Variants in WDPCP observed in about 807,000 individuals in gnomAD.
WDPCP encodes WD repeat containing planar cell polarity effector.
A neutral mutation model predicts 93.1 loss-of-function variants in WDPCP; 71 were observed. That is an observed-to-expected ratio of 0.76 (90% CI 0.63 to 0.93). WDPCP has a LOEUF of 0.93. Among genes scored for constraint, WDPCP ranks in the 40% least tolerant of loss-of-function variants. The pLI is 0.00. For synonymous variants in WDPCP, 315 were observed against 315.0 expected, an observed-to-expected ratio of 1.00 and a Z score of 0.00; for missense variants, 844 against 887.4, an observed-to-expected ratio of 0.95 and a Z score of 0.62.
chr2:63,532,921 G>T (rs548727892), intron 1 of WDPCP, among the ~76,000 whole-genome samples: 41 of 152,280 alleles, frequency 2.7e-4, no homozygotes, highest in African/African-American at 9.9e-4. Context: ...TGGCAAATTG[G>T]ATAAAAAGTC....
chr2:63,620,011 T>C (rs1210920286), intron 3 of WDPCP, among the ~76,000 whole-genome samples: 2 of 152,204 alleles, frequency 1.3e-5, no homozygotes, highest in South Asian at 2.1e-4. Context: ...GCTTTTCCCA[T>C]AGGCTTTGCA....
chr2:63,657,366 G>T (rs924498076), intron 2 of WDPCP, among the ~76,000 whole-genome samples: 1 of 151,906 alleles, frequency 6.6e-6, no homozygotes, highest in South Asian at 2.1e-4. Flanking sequence ...CACCAAGCCC[G>T]GCTAATTTTT....
rs1321652373 is a variant in WDPCP, at chr2:63,238,694, C to T, written c.1915+20613G>A. Among the ~76,000 whole-genome samples the T allele has an allele frequency of 2.6e-5, 4 of 152,042 alleles. No individual in the cohort carries two copies. In the East Asian group the frequency reaches 7.7e-4, roughly 29 times the overall value. Reference sequence around the variant, plus strand: ...CATGGACCTTACTCCCTTTTTTAATCCTTCTAGTCCAAACCTAGGAAGTTG... The same window carrying T: ...CATGGACCTTACTCCCTTTTTTAATTCTTCTAGTCCAAACCTAGGAAGTTG... On this transcript the variant is annotated intron_variant, in intron 14 of 17. Coordinates refer to ENST00000272321, the MANE Select transcript of WDPCP (RefSeq NM_015910.7).
chr2:63,764,366 G>A (rs1183060005), intron 2 of WDPCP, among the ~76,000 whole-genome samples: 1 of 152,158 alleles, frequency 6.6e-6, no homozygotes, highest in Admixed American at 6.5e-5. Flanking sequence ...GAGTGATGCC[G>A]TGGTGACCTC....
intron 6 of WDPCP, among the ~76,000 whole-genome samples, chr2:63,450,001 G>T (rs1194936719): frequency 6.6e-6 from 1 of 152,176 alleles, no homozygotes; most frequent in Non-Finnish European, 1.5e-5. Flanking sequence ...AAAGAAGAGT[G>T]CAGTGCACCA....
intron 2 of WDPCP, among the ~76,000 whole-genome samples, chr2:63,721,330 TC>T (rs958468959): frequency 1.9e-4 from 29 of 152,282 alleles, no homozygotes; most frequent in Admixed American, 1.6e-3. Flanking sequence ...CTTGACAACT[TC>T]CCATAACCAA....
chr2:63,362,277 T>TTGGGGGGGTGTGTGTGTGTGTG (rs1553362983), intron 12 of WDPCP, among the ~76,000 whole-genome samples: 1 of 94,132 alleles, frequency 1.1e-5, no homozygotes, highest in African/African-American at 4.6e-5. Flanking sequence ...TTTTTTTTGG[T>TTGGGGGGGTGTGTGTGTGTGTG]TGTGTGTGTG....
chr2:63,433,666 A>ATTTTTT (rs1213214591), intron 9 of WDPCP, 79 bp downstream of exon 9: 3 of 1,344,366 alleles, frequency 2.2e-6, no homozygotes, highest in Non-Finnish European at 3.0e-6. Flanking sequence ...AAATATTCAC[A>ATTTTTT]TTTATTTCAG....
rs551543377 is a variant in WDPCP at position 63,399,891 on chromosome 2, T to C, written c.1435+4157A>G. Among the ~76,000 whole-genome samples the C allele has an allele frequency of 2.2e-4, 34 of 152,300 alleles. No individual in the cohort carries two copies. In the South Asian group the frequency reaches 7.1e-3, roughly 32 times the overall value. ...AACATAGGTCTCACATTGTATGTAT[T>C]ATATCTTTCAGGTAAATCAAATCAT... On this transcript the variant is annotated intron_variant, in intron 10 of 17. Transcript: ENST00000272321.
At chr2:63,727,387 G>GA (rs148338147) in intron 2 of WDPCP, among the ~76,000 whole-genome samples, 4,040 of 152,234 alleles carry the variant, frequency 0.027, 54 homozygotes, top group East Asian at 0.035. Flanking sequence ...TGCATCCCAG[G>GA]AATAAAGCCT....
chr2:63,299,843 C>G (rs1685189806), intron 13 of WDPCP, among the ~76,000 whole-genome samples: 1 of 152,088 alleles, frequency 6.6e-6, no homozygotes, highest in African/African-American at 2.4e-5. Flanking sequence ...TAAAAAGCAG[C>G]CCCGATCATT....
At chr2:63,357,294 C>G (rs762635187) in intron 12 of WDPCP, among the ~76,000 whole-genome samples, 5 of 152,092 alleles carry the variant, frequency 3.3e-5, no homozygotes, top group Admixed American at 6.6e-5. Flanking sequence ...AACTTAAGAG[C>G]CTCTGTACAG....
chr2:63,541,893 T>A (rs1448339801), intron 1 of WDPCP, among the ~76,000 whole-genome samples: 1 of 152,188 alleles, frequency 6.6e-6, no homozygotes, highest in African/African-American at 2.4e-5. Context: ...CTTCACAGTT[T>A]ATACATAGTT....
chr2:63,671,199 T>C (rs1052620916), intron 2 of WDPCP, among the ~76,000 whole-genome samples: 1 of 152,022 alleles, frequency 6.6e-6, no homozygotes, highest in Non-Finnish European at 1.5e-5. Context: ...TCCAACTACA[T>C]AGAGTGTAAT....
intron 6 of WDPCP, among the ~76,000 whole-genome samples, chr2:63,446,383 G>C (rs1575435314): frequency 6.6e-6 from 1 of 152,168 alleles, no homozygotes; most frequent in Non-Finnish European, 1.5e-5. Context: ...TGGCCACCAG[G>C]AGACATGACA....
At chr2:63,467,723 C>T (rs1016181583) in intron 6 of WDPCP, among the ~76,000 whole-genome samples, 12 of 135,312 alleles carry the variant, frequency 8.9e-5, no homozygotes, top group African/African-American at 1.1e-4. Context: ...TTGCAGTGAG[C>T]GAAGATTGTG....
chr2:63,599,159 A>G (rs895465425), intron 3 of WDPCP: 3 of 1,612,412 alleles, frequency 1.9e-6, no homozygotes, highest in Non-Finnish European at 1.7e-6. Context: ...AGTGCCTTCC[A>G]TTCCTCCTAG....
intron 1 of WDPCP, among the ~76,000 whole-genome samples, chr2:63,497,330 T>C (rs1575529327): frequency 1.3e-5 from 2 of 151,896 alleles, no homozygotes; most frequent in African/African-American, 4.8e-5. Flanking sequence ...AAATGGCCAA[T>C]GTCCATTAGT....
intron 2 of WDPCP, among the ~76,000 whole-genome samples, chr2:63,691,498 G>A (rs1181378767): frequency 6.6e-6 from 1 of 152,232 alleles, no homozygotes; most frequent in African/African-American, 2.4e-5. Context: ...AGCTGGGCGT[G>A]GTGGTGGGCA....
Sources: gnomAD v4.1 joint callset for allele counts (sites outside exome capture counted in the v4.1 genomes callset) on GRCh38, gnomAD v4.1.1 for gene constraint, MANE v1.5 for transcripts, NCBI Gene and HGNC (gene_info 2026-07-23, HGNC 2026-07-21) for gene names.